SUPT3H: variants seen among roughly 807,000 people sequenced by gnomAD.
The protein encoded by SUPT3H is SPT3 homolog, SAGA and STAGA complex component.
SUPT3H carries 44 observed loss-of-function variants against 44.3 expected under a neutral mutation model. That is an observed-to-expected ratio of 0.99 (90% CI 0.78 to 1.28). The LOEUF (loss-of-function observed/expected upper bound fraction) is 1.28, where lower values mean the gene tolerates loss of function less well. SUPT3H is among the 50% of genes most tolerant of loss of function. The pLI, the probability that SUPT3H is intolerant of heterozygous loss-of-function variation, is 0.00. For synonymous variants in SUPT3H, 124 were observed against 125.6 expected, an observed-to-expected ratio of 0.99 and a Z score of 0.09; for missense variants, 380 against 387.1, an observed-to-expected ratio of 0.98 and a Z score of 0.15.
chr6:45,286,083 A>G (rs1779201001), intron 2 of SUPT3H, among the ~76,000 whole-genome samples: 1 of 150,142 alleles, frequency 6.7e-6, no homozygotes, highest in African/African-American at 2.5e-5. Context: ...TACACCTTAT[A>G]CAAAAATTAA....
intron 11 of SUPT3H, among the ~76,000 whole-genome samples, chr6:44,821,238 A>G (rs898185764): frequency 1.3e-5 from 2 of 152,138 alleles, no homozygotes; most frequent in Non-Finnish European, 1.5e-5. Flanking sequence ...GCTTCTAAAC[A>G]CCGAGTACTC....
At chr6:44,838,018 T>C (rs889599473) in intron 10 of SUPT3H, among the ~76,000 whole-genome samples, 25 of 152,186 alleles carry the variant, frequency 1.6e-4, no homozygotes, top group African/African-American at 5.8e-4. Flanking sequence ...CAATAGCTGT[T>C]TGCCAATGGT....
At chr6:45,211,815 C>T (rs1764134830) in intron 2 of SUPT3H, among the ~76,000 whole-genome samples, 1 of 151,576 alleles carries the variant, frequency 6.6e-6, no homozygotes, top group South Asian at 2.1e-4. Context: ...CACCACTGCA[C>T]TCCAGCCTGG....
chr6:45,084,135 G>C (rs1796179857), intron 3 of SUPT3H, among the ~76,000 whole-genome samples: 1 of 152,124 alleles, frequency 6.6e-6, no homozygotes, highest in Non-Finnish European at 1.5e-5. Context: ...AAAAAAAATT[G>C]ACAAGTGAGA....
At chr6:45,377,570 C>T (rs1582042508) in intron 1 of SUPT3H, 198 bp downstream of exon 1, 3 of 152,408 alleles carry the variant, frequency 2.0e-5, no homozygotes, top group Admixed American at 6.5e-5. Context: ...CTGCGCCCGG[C>T]CAGCGCCTCC....
rs765951891 is a variant in SUPT3H at position 45,328,288 on chromosome 6, G to A, written c.101+36913C>T. 4.4e-6 allele frequency: 6 copies of A among 1,364,740 alleles called. 1 individual carries two copies. The African/African-American group carries it at 7.4e-5, about 17-fold the overall frequency. 84.5% of individuals were successfully genotyped at this position (1,364,740 alleles called of 1,614,324 possible). On this transcript the variant is annotated intron_variant, in intron 2 of 10. Coordinates refer to ENST00000371459, the MANE Select transcript of SUPT3H (RefSeq NM_003599.4). ...CAGTAATAGTGCTTGCAAAAAAAAG[G>A]AGTTTTAAAGCTTTTGCTTTTTTGG...
intron 10 of SUPT3H, among the ~76,000 whole-genome samples, chr6:44,853,990 A>AG (rs1163696308): frequency 6.6e-6 from 1 of 152,072 alleles, no homozygotes; most frequent in African/African-American, 2.4e-5. Context: ...AAAAAAAAAA[A>AG]AAGTCAAAGT....
intron 2 of SUPT3H, among the ~76,000 whole-genome samples, chr6:45,113,705 C>T (rs1360154664): frequency 7.2e-5 from 11 of 151,830 alleles, no homozygotes. Context: ...TGGCGCATGC[C>T]TGTAACCCCA....
intron 10 of SUPT3H, among the ~76,000 whole-genome samples, chr6:44,926,075 G>A (rs866752689): frequency 3.9e-5 from 6 of 152,052 alleles, no homozygotes; most frequent in African/African-American, 1.4e-4. Flanking sequence ...AAAGACCCGC[G>A]ATACGCTTGT....
At position 44,904,568 on chromosome 6, in the gene SUPT3H, C is replaced by G. The variant is rs532050866; in HGVS notation, c.912+28085G>C. ...CTCCATGCTCATGGATAGGAAGAAT[C>G]AATATCATGAAAATGGCCATACTGC... is the stretch of plus-strand genomic sequence containing the variant. On this transcript the variant is annotated intron_variant, in intron 10 of 10. Transcript: ENST00000371459. 3.3e-5 allele frequency among the ~76,000 whole-genome samples: 5 copies of G among 152,246 alleles called. No homozygotes were observed. In the South Asian group the frequency reaches 1.0e-3, roughly 32 times the overall value.
intron 10 of SUPT3H, among the ~76,000 whole-genome samples, chr6:44,872,597 G>A (rs552362596): frequency 6.6e-6 from 1 of 150,886 alleles, no homozygotes; most frequent in African/African-American, 2.4e-5. Flanking sequence ...CAACTAACGA[G>A]CAAAACCACC....
intron 2 of SUPT3H, among the ~76,000 whole-genome samples, chr6:45,177,714 T>G (rs192042422): frequency 1.4e-4 from 22 of 151,832 alleles, no homozygotes; most frequent in Middle Eastern, 3.4e-3. Context: ...GACTAACAGC[T>G]GATCTCTCAG....
intron 10 of SUPT3H, among the ~76,000 whole-genome samples, chr6:44,907,762 A>G (rs1766344698): frequency 6.6e-6 from 1 of 152,168 alleles, no homozygotes; most frequent in Non-Finnish European, 1.5e-5. Context: ...GATATTTTTC[A>G]TCTTGTACAC....
At chr6:45,211,525 T>C (rs1257559047) in intron 2 of SUPT3H, among the ~76,000 whole-genome samples, 1 of 152,174 alleles carries the variant, frequency 6.6e-6, no homozygotes, top group African/African-American at 2.4e-5. Context: ...CCTTCGGTAT[T>C]TGTCCAATAA....
chr6:44,963,818 T>C (rs2153478925), intron 6 of SUPT3H, among the ~76,000 whole-genome samples: 1 of 152,004 alleles, frequency 6.6e-6, no homozygotes, highest in Middle Eastern at 3.4e-3. Context: ...GCTAACACGG[T>C]GAAACCCCAT....
chr6:45,371,093 G>A (rs1385702876), intron 1 of SUPT3H, among the ~76,000 whole-genome samples: 3 of 152,156 alleles, frequency 2.0e-5, no homozygotes, highest in African/African-American at 7.2e-5. Context: ...TTTGAGATAT[G>A]TGGAAGATTT....
intron 2 of SUPT3H, among the ~76,000 whole-genome samples, chr6:45,169,690 G>A (rs566476371): frequency 6.6e-6 from 1 of 152,078 alleles, no homozygotes; most frequent in Non-Finnish European, 1.5e-5. Flanking sequence ...AGATTATTCT[G>A]CAATAGCTCC....
chr6:44,962,076 C>T (rs891500666), intron 6 of SUPT3H, among the ~76,000 whole-genome samples: 5 of 152,056 alleles, frequency 3.3e-5, no homozygotes, highest in East Asian at 1.9e-4. Flanking sequence ...ACTAAAGGAC[C>T]TCACGTCTAA....
At chr6:45,180,407 C>G (rs1433208061) in intron 2 of SUPT3H, among the ~76,000 whole-genome samples, 1 of 150,536 alleles carries the variant, frequency 6.6e-6, no homozygotes, top group Non-Finnish European at 1.5e-5. Context: ...CCCACATCGC[C>G]AAGTCAATCC....
Sources: allele counts gnomAD v4.1 joint callset (sites outside exome capture counted in the v4.1 genomes callset), GRCh38; gene constraint gnomAD v4.1.1; transcripts MANE v1.5; gene names NCBI Gene and HGNC (gene_info 2026-07-23, HGNC 2026-07-21).